The following AACS variants were observed in gnomAD, a reference collection of about 807,000 sequenced individuals.
AACS encodes the protein acetoacetyl-CoA synthetase.
A neutral mutation model predicts 83.1 loss-of-function variants in AACS; 69 were observed. The ratio of observed to expected loss-of-function variants is 0.83; its 90% confidence interval spans 0.68 to 1.01. The LOEUF is 1.01. Ranked by LOEUF, AACS falls within the 50% of genes least tolerant of loss-of-function variation. The probability of loss-of-function intolerance (pLI) is 0.00; values close to 1 mark genes in which losing one functional copy is unlikely to be tolerated. For synonymous variants in AACS, 333 were observed against 343.4 expected (o/e 0.97, Z 0.33); for missense variants, 866 against 882.2 (o/e 0.98, Z 0.23).
At chr12:125,081,936 C>G (rs528512968) in intron 3 of AACS, among the ~76,000 whole-genome samples, 20 of 150,922 alleles carry the variant, frequency 1.3e-4, no homozygotes, top group African/African-American at 4.9e-4. Context: ...AGTGCAATGG[C>G]GTCATCTTGG....
In AACS at chr12:125,141,173, G is replaced by C. The variant is rs145138101; in HGVS notation, c.1882-919G>C. On this transcript the variant is annotated intron_variant, in intron 17 of 17. Coordinates refer to ENST00000316519, the MANE Select transcript of AACS (RefSeq NM_023928.5). ...CCACATCTTCCCTGAAAACTTTCTT[G>C]CCCAGGGTGTCTGCTGGGATTTAGG... 338 of 152,444 alleles carry C rather than the reference G, an allele frequency of 2.2e-3. 2 individuals carry two copies. The highest frequency in any genetic ancestry group is 7.4e-3 in the African/African-American group (308 of 41,570). 9.4% of individuals were successfully genotyped at this position (152,444 alleles called of 1,614,324 possible).
chr12:125,082,210 T>C (rs1956207965), intron 3 of AACS, among the ~76,000 whole-genome samples: 1 of 148,616 alleles, frequency 6.7e-6, no homozygotes, highest in South Asian at 2.1e-4. Context: ...CTTGATTTGT[T>C]GCCCAGATTG....
At chr12:125,089,447 C>T (rs1956413341) in intron 4 of AACS, among the ~76,000 whole-genome samples, 1 of 152,166 alleles carries the variant, frequency 6.6e-6, no homozygotes, top group Non-Finnish European at 1.5e-5. Flanking sequence ...TTCTGCCCTA[C>T]TGTACAGGTC....
In AACS at chr12:125,077,724, T is replaced by C. The variant is rs187597715; in HGVS notation, c.358+1113T>C. Among the ~76,000 whole-genome samples the C allele has an allele frequency of 1.6e-4, 25 of 152,222 alleles. No individual in the cohort carries two copies. The East Asian group carries it at 1.9e-3, about 12-fold the overall frequency. ...TGAGTCTCCAAGTTGGCAATTTTTT[T>C]TTTTTTTGAGATAGAATCTTCCTCT... On this transcript the variant is annotated intron_variant, in intron 3 of 17. Transcript: ENST00000316519.
intron 4 of AACS, among the ~76,000 whole-genome samples, chr12:125,090,359 GTCATCCATCTATTCA>G (rs1392958661): frequency 2.4e-5 from 1 of 42,274 alleles, no homozygotes; most frequent in Non-Finnish European, 4.6e-5. Context: ...CCATTTATCC[GTCATCCATCTATTCA>G]TCCATTCATT....
chr12:125,071,698 G>T (rs902528150), intron 1 of AACS, among the ~76,000 whole-genome samples: 1 of 152,192 alleles, frequency 6.6e-6, no homozygotes, highest in Non-Finnish European at 1.5e-5. Flanking sequence ...GTTGCTGACA[G>T]TGGGAAAGTT....
intron 14 of AACS, among the ~76,000 whole-genome samples, chr12:125,131,744 G>A (rs184702483): frequency 7.9e-5 from 12 of 152,128 alleles, no homozygotes; most frequent in Admixed American, 3.3e-4. Context: ...GATTACAGGC[G>A]CGCGCCACCA....
At chr12:125,098,361 T>C (rs1433651091) in intron 5 of AACS, among the ~76,000 whole-genome samples, 1 of 151,766 alleles carries the variant, frequency 6.6e-6, no homozygotes, top group Non-Finnish European at 1.5e-5. Flanking sequence ...TCTACTGTAC[T>C]CTAGCCTGGG....
intron 4 of AACS, among the ~76,000 whole-genome samples, chr12:125,090,189 C>T (rs375960916): frequency 0.38 from 1,532 of 4,024 alleles, 441 homozygotes; most frequent in Middle Eastern, 0.71. Flanking sequence ...TTCTTCTCTC[C>T]ATCTACCCAT....
chr12:125,089,327 G>A (rs545874815), intron 4 of AACS, among the ~76,000 whole-genome samples: 15 of 152,230 alleles, frequency 9.9e-5, no homozygotes, highest in African/African-American at 3.4e-4. Flanking sequence ...GCAGGGGGGA[G>A]AAGGAGGGAA....
chr12:125,118,451 A>G (rs1957095730), intron 9 of AACS, 190 bp from the exon 10 acceptor site: 2 of 668,970 alleles, frequency 3.0e-6, no homozygotes, highest in Non-Finnish European at 4.9e-6. Context: ...CACATGTGTG[A>G]ATATGTCTGT....
At chr12:125,084,802 G>A (rs950148531) in intron 3 of AACS, among the ~76,000 whole-genome samples, 9 of 151,922 alleles carry the variant, frequency 5.9e-5, no homozygotes, top group South Asian at 4.2e-4. Context: ...GGCTGGTCTC[G>A]AACTCCTGAG....
intron 3 of AACS, among the ~76,000 whole-genome samples, chr12:125,083,091 C>A (rs1316010787): frequency 6.6e-6 from 1 of 152,220 alleles, no homozygotes; most frequent in East Asian, 1.9e-4. Flanking sequence ...GGTTACAAAT[C>A]CAGCAGTGGC....
Position 125,142,632 on chromosome 12 carries a change from C to G in AACS, c.*403C>G, listed in dbSNP as rs1957518506. On this transcript the variant is annotated 3_prime_UTR_variant, in exon 18 of 18. Transcript: ENST00000316519. ...GGTGCAAATCCCTTTCTTCCCTTCC[C>G]ATCTCAGGCTCTCCTGTTTTCCCTC... 6.2e-6 allele frequency: 1 copy of G among 161,318 alleles called. No individual in the cohort carries two copies. Among genetic ancestry groups the G allele is most frequent in the Admixed American group, 6.2e-5 (1 of 16,186 alleles). 10.0% of individuals were successfully genotyped at this position (161,318 alleles called of 1,614,324 possible).
intron 3 of AACS, among the ~76,000 whole-genome samples, chr12:125,085,294 G>GCACA (rs1956306315): frequency 6.6e-6 from 1 of 152,166 alleles, no homozygotes; most frequent in Non-Finnish European, 1.5e-5. Context: ...GCACACGCAT[G>GCACA]TTGCATCCAC....
At chr12:125,124,418 G>T in intron 10 of AACS, 1 of 459,240 alleles carries the variant, frequency 2.2e-6, no homozygotes, top group Non-Finnish European at 3.9e-6. Flanking sequence ...ATACTCTGCA[G>T]TTGGGAAGAT....
intron 5 of AACS, among the ~76,000 whole-genome samples, chr12:125,095,627 A>G (rs1012001283): frequency 6.6e-6 from 1 of 151,656 alleles, no homozygotes; most frequent in Non-Finnish European, 1.5e-5. Flanking sequence ...TCTGTTCAGA[A>G]CAGCCTCTTC....
At chr12:125,106,526 T>C (rs1956837167) in intron 7 of AACS, among the ~76,000 whole-genome samples, 1 of 152,218 alleles carries the variant, frequency 6.6e-6, no homozygotes, top group Non-Finnish European at 1.5e-5. Flanking sequence ...TGATATTTGC[T>C]GAGCGGTTCT....
intron 3 of AACS, among the ~76,000 whole-genome samples, chr12:125,079,381 C>T (rs547406631): frequency 2.6e-5 from 4 of 152,200 alleles, no homozygotes; most frequent in Non-Finnish European, 5.9e-5. Flanking sequence ...TCCAGCTCTG[C>T]GTCCCCAGGG....
Sources: gnomAD v4.1 joint callset for allele counts (sites outside exome capture counted in the v4.1 genomes callset) on GRCh38, gnomAD v4.1.1 for gene constraint, MANE v1.5 for transcripts, NCBI Gene and HGNC (gene_info 2026-07-23, HGNC 2026-07-21) for gene names.